The following MACROD2 variants were observed in gnomAD, a reference collection of about 807,000 sequenced individuals.
MACROD2 encodes the protein ADP-ribose glycohydrolase MACROD2.
A neutral mutation model predicts 70.4 loss-of-function variants in MACROD2; 36 were observed. That is an observed-to-expected ratio of 0.51 (90% confidence interval 0.39 to 0.68). MACROD2 has a LOEUF of 0.68. Among genes scored for constraint, MACROD2 ranks in the 30% least tolerant of loss-of-function variants. The pLI is 0.00. For synonymous variants in MACROD2, 172 were observed against 178.8 expected (o/e 0.96, Z 0.30); for missense variants, 496 against 538.4 (o/e 0.92, Z 0.78).
rs573101617 is a variant in MACROD2, at chr20:14,306,216, C to T, written c.272-187263C>T. Among the ~76,000 whole-genome samples, 6 of 152,162 alleles carry T rather than the reference C, an allele frequency of 3.9e-5. No individual in the cohort carries two copies. In the South Asian group the frequency reaches 1.2e-3, roughly 32 times the overall value. On this transcript the variant is annotated intron_variant, in intron 3 of 17. Transcript: ENST00000684519. ...AAGTTGGGAATGTTGTTAACTTCTCCTTTTGAAAATTCTCTTCTTTCTTGG... is the reference window on the plus strand; with the variant it reads ...AAGTTGGGAATGTTGTTAACTTCTCTTTTTGAAAATTCTCTTCTTTCTTGG...
intron 5 of MACROD2, among the ~76,000 whole-genome samples, chr20:15,204,509 G>A (rs1601222256): frequency 6.6e-6 from 1 of 152,062 alleles, no homozygotes; most frequent in Non-Finnish European, 1.5e-5. Flanking sequence ...AGATGACATG[G>A]TACCTGGCCT....
chr20:14,393,600 G>T (rs2065637), intron 3 of MACROD2, among the ~76,000 whole-genome samples: 1 of 152,136 alleles, frequency 6.6e-6, no homozygotes, highest in Non-Finnish European at 1.5e-5. Flanking sequence ...TTCTTTCCCA[G>T]CTCCTCTCTC....
At chr20:14,568,473 G>C (rs574104726) in intron 4 of MACROD2, among the ~76,000 whole-genome samples, 4 of 152,026 alleles carry the variant, frequency 2.6e-5, no homozygotes, top group African/African-American at 9.7e-5. Flanking sequence ...GTGGGTCAAT[G>C]CAAAGCATTC....
chr20:14,202,348 T>C (rs2081486560), intron 3 of MACROD2, among the ~76,000 whole-genome samples: 2 of 152,368 alleles, frequency 1.3e-5, no homozygotes, highest in South Asian at 4.1e-4. Flanking sequence ...ACACCCAATT[T>C]GTACAGTGTC....
intron 4 of MACROD2, among the ~76,000 whole-genome samples, chr20:14,526,425 T>G (rs2085233372): frequency 6.6e-6 from 1 of 152,220 alleles, no homozygotes. Flanking sequence ...GATCCAGTGT[T>G]GTCTTTCAAA....
At chr20:15,746,270 G>T (rs1043247703) in intron 8 of MACROD2, among the ~76,000 whole-genome samples, 6 of 151,708 alleles carry the variant, frequency 4.0e-5, no homozygotes, top group African/African-American at 1.5e-4. Context: ...GATTATTTTT[G>T]ATACTACTGT....
At chr20:15,839,120 GA>G (rs1230820300) in intron 8 of MACROD2, among the ~76,000 whole-genome samples, 1 of 152,092 alleles carries the variant, frequency 6.6e-6, no homozygotes, top group Non-Finnish European at 1.5e-5. Flanking sequence ...AAATGTTAGT[GA>G]AAGCCTAATT....
At chr20:14,859,565 A>G (rs771264964) in intron 5 of MACROD2, among the ~76,000 whole-genome samples, 3 of 152,160 alleles carry the variant, frequency 2.0e-5, no homozygotes, top group Non-Finnish European at 2.9e-5. Context: ...TTTGTTGGAT[A>G]TTTATCTTTT....
chr20:15,530,317 T>C (rs2047779097), intron 8 of MACROD2, among the ~76,000 whole-genome samples: 2 of 152,206 alleles, frequency 1.3e-5, no homozygotes, highest in South Asian at 4.1e-4. Flanking sequence ...ACTAAGGTAC[T>C]GTGAACATGG....
intron 3 of MACROD2, among the ~76,000 whole-genome samples, chr20:14,392,558 A>G (rs1295820635): frequency 6.6e-6 from 1 of 152,210 alleles, no homozygotes; most frequent in African/African-American, 2.4e-5. Context: ...AAGATGGAAA[A>G]TTATTTAAAG....
chr20:15,097,479 G>A (rs1016632467), intron 5 of MACROD2, among the ~76,000 whole-genome samples: 19 of 152,258 alleles, frequency 1.2e-4, no homozygotes, highest in Non-Finnish European at 2.5e-4. Flanking sequence ...CATAACAGAT[G>A]TCTTTCAGAT....
At chr20:16,018,502 C>T (rs1164171401) in intron 15 of MACROD2, among the ~76,000 whole-genome samples, 1 of 152,058 alleles carries the variant, frequency 6.6e-6, no homozygotes, top group Non-Finnish European at 1.5e-5. Context: ...GGTCTTATCT[C>T]CTACTTTGCT....
intron 3 of MACROD2, among the ~76,000 whole-genome samples, chr20:14,120,924 G>A (rs2054580254): frequency 6.6e-6 from 1 of 151,112 alleles, no homozygotes; most frequent in South Asian, 2.1e-4. Flanking sequence ...GGGGTGAGGG[G>A]AGGGAACTTA....
chr20:15,772,101 A>AATAT (rs201468504), intron 8 of MACROD2, among the ~76,000 whole-genome samples: 64 of 91,412 alleles, frequency 7.0e-4, no homozygotes, highest in African/African-American at 1.2e-3. Flanking sequence ...AAAAAAAAAA[A>AATAT]ATATATATAT....
intron 7 of MACROD2, among the ~76,000 whole-genome samples, chr20:15,450,745 C>T (rs1397878023): frequency 1.3e-5 from 2 of 152,134 alleles, no homozygotes; most frequent in African/African-American, 4.8e-5. Context: ...AGACCTGTTC[C>T]ACCCATTCCC....
intron 8 of MACROD2, among the ~76,000 whole-genome samples, chr20:15,773,875 G>A (rs994361532): frequency 4.8e-4 from 73 of 152,222 alleles, no homozygotes; most frequent in African/African-American, 1.7e-3. Context: ...AAGATGAGGA[G>A]ATGCAGTCTT....
chr20:14,648,535 T>G (rs559693973), intron 4 of MACROD2, among the ~76,000 whole-genome samples: 5 of 152,250 alleles, frequency 3.3e-5, no homozygotes, highest in Admixed American at 3.3e-4. Context: ...AGCAGTCCAA[T>G]GTGGATCTTT....
In MACROD2 at chr20:15,322,166, A is replaced by G; in HGVS notation, c.540+92105A>G. Among the ~76,000 whole-genome samples, 2 of 143,632 alleles carry G rather than the reference A, an allele frequency of 1.4e-5. 1 individual carries two copies. Among genetic ancestry groups the G allele is most frequent in the Non-Finnish European group, 3.1e-5 (2 of 63,566 alleles). The allele number at this position is 143,632 out of a possible 152,430, so 94.2% of individuals were successfully genotyped here. Reference sequence around the variant, plus strand: ...GTGTCTCAGCTTCATTATTCCTCAAATGGTTTTGTGGTTCATGGAGCTTCA... The same window carrying G: ...GTGTCTCAGCTTCATTATTCCTCAAGTGGTTTTGTGGTTCATGGAGCTTCA... On this transcript the variant is annotated intron_variant, in intron 6 of 17. Transcript: ENST00000684519.
intron 2 of MACROD2, among the ~76,000 whole-genome samples, chr20:14,066,812 T>C (rs1477489679): frequency 6.8e-6 from 1 of 146,106 alleles, no homozygotes; most frequent in African/African-American, 2.5e-5. Flanking sequence ...GTGATTTTTT[T>C]TTTTTTTTTT....
Sources: gnomAD v4.1 joint callset for allele counts (sites outside exome capture counted in the v4.1 genomes callset) on GRCh38, gnomAD v4.1.1 for gene constraint, MANE v1.5 for transcripts, NCBI Gene and HGNC (gene_info 2026-07-23, HGNC 2026-07-21) for gene names.